The following FAM107B variants were observed in gnomAD, a reference collection of about 807,000 sequenced individuals.
FAM107B encodes the protein family with sequence similarity 107 member B.
In FAM107B, 21 loss-of-function variants were observed where a neutral mutation model predicts 31.5. The ratio of observed to expected loss-of-function variants is 0.67; its 90% CI spans 0.47 to 0.96. The LOEUF is 0.96. FAM107B is among the 40% of genes least tolerant of loss of function. FAM107B has a pLI of 0.00. For missense variants in FAM107B, 452 were observed against 377.1 expected (o/e 1.20, Z -1.64); for synonymous variants, 157 against 141.5 (o/e 1.11, Z -0.78).
intron 2 of FAM107B, among the ~76,000 whole-genome samples, chr10:14,659,164 G>C (rs1176462047): frequency 6.6e-6 from 1 of 151,622 alleles, no homozygotes; most frequent in African/African-American, 2.4e-5. Flanking sequence ...GCCCTGGCTG[G>C]GCACGGTGGC....
At chr10:14,709,177 G>C (rs189013398) in intron 1 of FAM107B, among the ~76,000 whole-genome samples, 1 of 152,080 alleles carries the variant, frequency 6.6e-6, no homozygotes, top group African/African-American at 2.4e-5. Context: ...CATATGATTC[G>C]CAATTGCACT....
intron 1 of FAM107B, among the ~76,000 whole-genome samples, chr10:14,758,354 C>G (rs898031981): frequency 6.6e-6 from 1 of 152,128 alleles, no homozygotes; most frequent in African/African-American, 2.4e-5. Flanking sequence ...ATACTGCCAG[C>G]CAGTTCTCAG....
intron 1 of FAM107B, among the ~76,000 whole-genome samples, chr10:14,724,730 A>G (rs1036088969): frequency 1.3e-5 from 2 of 152,050 alleles, no homozygotes; most frequent in Admixed American, 6.5e-5. Flanking sequence ...ACAAGTTCCC[A>G]GGAACCCACT....
intron 2 of FAM107B, among the ~76,000 whole-genome samples, chr10:14,662,595 C>T (rs1022426286): frequency 6.6e-6 from 1 of 152,142 alleles, no homozygotes; most frequent in Admixed American, 6.6e-5. Context: ...CCAGGTTGAT[C>T]TCTGTCCTTC....
At chr10:14,719,269 C>G (rs1053120403) in intron 1 of FAM107B, among the ~76,000 whole-genome samples, 1 of 152,162 alleles carries the variant, frequency 6.6e-6, no homozygotes, top group Non-Finnish European at 1.5e-5. Flanking sequence ...TCTCTCCTGG[C>G]CCTATTTTCT....
chr10:14,737,129 C>T (rs1856317855), intron 1 of FAM107B, among the ~76,000 whole-genome samples: 1 of 152,128 alleles, frequency 6.6e-6, no homozygotes, highest in Non-Finnish European at 1.5e-5. Context: ...GAGATCTTGT[C>T]AGCGCTCTGA....
chr10:14,531,242 G>T (rs1272234683), intron 2 of FAM107B, among the ~76,000 whole-genome samples: 1 of 152,208 alleles, frequency 6.6e-6, no homozygotes, highest in African/African-American at 2.4e-5. Context: ...ATACAAGGCC[G>T]AGCAAGGTGG....
chr10:14,721,964 T>C (rs1855922364), intron 1 of FAM107B, among the ~76,000 whole-genome samples: 1 of 152,140 alleles, frequency 6.6e-6, no homozygotes, highest in Non-Finnish European at 1.5e-5. Context: ...TCTTCTAGGG[T>C]TTTTATGGTT....
chr10:14,521,148 A>G lies in FAM107B; in HGVS notation c.*42T>C. 6.8e-7 allele frequency: 1 copy of G among 1,464,136 alleles called. No individual in the cohort carries two copies. Among genetic ancestry groups the G allele is most frequent in the Non-Finnish European group, 9.5e-7 (1 of 1,052,218 alleles). The allele number at this position is 1,464,136 out of a possible 1,614,324, so 90.7% of individuals were successfully genotyped here. On this transcript the variant is annotated 3_prime_UTR_variant, in exon 5 of 5. Coordinates refer to ENST00000181796, the MANE Select transcript of FAM107B (RefSeq NM_031453.4). ...TGAGATTGAGAAGGCACCCACAGAC[A>G]GCTCTGTGGGGTGACACACGAGGTC...
chr10:14,586,254 T>TC (rs1851830625), intron 2 of FAM107B, among the ~76,000 whole-genome samples: 2 of 152,198 alleles, frequency 1.3e-5, no homozygotes, highest in Admixed American at 1.3e-4. Context: ...ACCCACCTTC[T>TC]CTTCAGAACA....
chr10:14,712,105 C>T (rs1855662676), intron 1 of FAM107B, among the ~76,000 whole-genome samples: 1 of 152,158 alleles, frequency 6.6e-6, no homozygotes, highest in South Asian at 2.1e-4. Context: ...ACTTTCAACC[C>T]TAAGCAGTCA....
intron 2 of FAM107B, among the ~76,000 whole-genome samples, chr10:14,622,870 G>GA (rs1284384262): frequency 1.3e-5 from 2 of 152,108 alleles, no homozygotes; most frequent in Non-Finnish European, 2.9e-5. Context: ...GTTCCCTGTA[G>GA]AAATCACAGG....
chr10:14,715,856 C>T (rs1441636798), intron 1 of FAM107B, among the ~76,000 whole-genome samples: 1 of 152,190 alleles, frequency 6.6e-6, no homozygotes, highest in Non-Finnish European at 1.5e-5. Flanking sequence ...TTCCATGATT[C>T]TCAGGCCTTT....
chr10:14,581,510 T>TC (rs1851635565), intron 2 of FAM107B, among the ~76,000 whole-genome samples: 1 of 152,186 alleles, frequency 6.6e-6, no homozygotes, highest in African/African-American at 2.4e-5. Context: ...TTCAGAGCCA[T>TC]CCCTGCCACA....
At chr10:14,575,887 A>G (rs1851448753) in intron 2 of FAM107B, among the ~76,000 whole-genome samples, 1 of 152,226 alleles carries the variant, frequency 6.6e-6, no homozygotes, top group African/African-American at 2.4e-5. Context: ...TCCATACAAC[A>G]CAGATATTAG....
At chr10:14,528,000 T>A in intron 3 of FAM107B, 1 of 109,434 alleles carries the variant, frequency 9.1e-6, no homozygotes, top group Non-Finnish European at 2.0e-5. Flanking sequence ...CTGCCTTTTC[T>A]TTTTTTTTTT....
At chr10:14,774,047 G>A (rs1032049384) in intron 1 of FAM107B, among the ~76,000 whole-genome samples, 1 of 152,184 alleles carries the variant, frequency 6.6e-6, no homozygotes, top group Non-Finnish European at 1.5e-5. Context: ...TGGCTCCAGT[G>A]CTTATTATCA....
At chr10:14,705,023 C>CAAAAAAAAAAAAAAAA (rs57922026) in intron 1 of FAM107B, among the ~76,000 whole-genome samples, 1 of 87,928 alleles carries the variant, frequency 1.1e-5, no homozygotes, top group Admixed American at 1.4e-4. Context: ...GACCCTGTCA[C>CAAAAAAAAAAAAAAAA]AAAAAAAAAA....
chr10:14,543,312 A>G (rs1848398177), intron 2 of FAM107B, among the ~76,000 whole-genome samples: 1 of 152,208 alleles, frequency 6.6e-6, no homozygotes. Flanking sequence ...TTGAATTGCA[A>G]GAAGAAAACT....
Sources: allele counts gnomAD v4.1 joint callset (sites outside exome capture counted in the v4.1 genomes callset), GRCh38; gene constraint gnomAD v4.1.1; transcripts MANE v1.5; gene names NCBI Gene and HGNC (gene_info 2026-07-23, HGNC 2026-07-21).